The following ANK3 variants were observed in gnomAD, a reference collection of about 807,000 sequenced individuals.
The protein encoded by ANK3 is ankyrin-3.
In ANK3, 57 loss-of-function variants were observed where a neutral mutation model predicts 370.9. That is an observed-to-expected ratio of 0.15 (90% CI 0.12 to 0.19). The LOEUF (loss-of-function observed/expected upper bound fraction) is 0.19, where lower values mean the gene tolerates loss of function less well. ANK3 is among the 10% of genes least tolerant of loss of function. The probability of loss-of-function intolerance (pLI) is 1.00; values close to 1 mark genes in which losing one functional copy is unlikely to be tolerated. For synonymous variants in ANK3, 1,929 were observed against 1,946.3 expected (o/e 0.99, Z 0.23); for missense variants, 4,439 against 5,302.1 (o/e 0.84, Z 5.06).
chr10:60,059,953 G>A (rs1443850503), intron 40 of ANK3: 4 of 1,613,386 alleles, frequency 2.5e-6, no homozygotes, highest in Non-Finnish European at 3.4e-6. Context: ...GGGGTAGGTG[G>A]TGTGTAGTGC....
At chr10:60,410,789 C>T (rs188139982) in intron 2 of ANK3, among the ~76,000 whole-genome samples, 2 of 152,248 alleles carry the variant, frequency 1.3e-5, no homozygotes, top group East Asian at 3.9e-4. Flanking sequence ...TCTTAGCATC[C>T]TGAGTAGCTG....
chr10:60,496,756 C>A (rs1378493449), intron 2 of ANK3, among the ~76,000 whole-genome samples: 1 of 146,530 alleles, frequency 6.8e-6, no homozygotes, highest in Non-Finnish European at 1.5e-5. Context: ...AAAAAGATCA[C>A]CCTAATTTAC....
rs549060481 is a variant in ANK3 at position 60,312,575 on chromosome 10, C to T, written c.115-32936G>A. On this transcript the variant is annotated intron_variant, in intron 1 of 43. Transcript: ENST00000280772. ...CAACTATCAAACATTGAATCTTAGG[C>T]CTAGATGGGACCTCATAGTCAGTGG... Among the ~76,000 whole-genome samples the T allele has an allele frequency of 3.3e-5, 5 of 152,210 alleles. No homozygotes were observed. The East Asian group carries it at 9.7e-4, about 29-fold the overall frequency.
intron 1 of ANK3, among the ~76,000 whole-genome samples, chr10:60,364,287 C>G (rs144806130): frequency 2.1e-5 from 2 of 97,156 alleles, no homozygotes; most frequent in Non-Finnish European, 4.2e-5. Context: ...GAGCAAGACT[C>G]GGTCTCAAAA....
In ANK3 at chr10:60,651,179, T is replaced by C. The variant is rs2078784900; in HGVS notation, c.58-35955A>G. Among the ~76,000 whole-genome samples the C allele has an allele frequency of 2.0e-5, 3 of 152,330 alleles. No homozygotes were observed. In the South Asian group the frequency reaches 6.2e-4, roughly 32 times the overall value. ...CACACACGCACACAATGTACCTGTC[T>C]AAAATTAGCCCTGAAATAAAATTAG... On this transcript the variant is annotated intron_variant, in intron 1 of 43. Coordinates refer to the ANK3 transcript ENST00000373827.
intron 17 of ANK3, among the ~76,000 whole-genome samples, chr10:60,186,082 G>A (rs1010930490): frequency 3.9e-5 from 6 of 152,274 alleles, no homozygotes; most frequent in African/African-American, 1.4e-4. Context: ...TTGTAACCTA[G>A]AACTTAAAAA....
intron 2 of ANK3, among the ~76,000 whole-genome samples, chr10:60,464,607 G>A (rs897645418): frequency 4.6e-5 from 7 of 152,142 alleles, no homozygotes; most frequent in African/African-American, 1.4e-4. Context: ...AAGTGTTTCT[G>A]ATTCTTTTCT....
At chr10:60,527,964 T>G (rs551343884) in intron 2 of ANK3, among the ~76,000 whole-genome samples, 1 of 152,092 alleles carries the variant, frequency 6.6e-6, no homozygotes. Flanking sequence ...TGTAGCCTAG[T>G]AAACTGATGG....
At chr10:60,490,315 TG>T (rs919792417) in intron 2 of ANK3, among the ~76,000 whole-genome samples, 21 of 152,220 alleles carry the variant, frequency 1.4e-4, no homozygotes, top group African/African-American at 4.6e-4. Flanking sequence ...CCAGAAACTC[TG>T]GGATGAGGCC....
At chr10:60,300,693 T>C (rs1052799568) in intron 1 of ANK3, among the ~76,000 whole-genome samples, 5 of 152,096 alleles carry the variant, frequency 3.3e-5, no homozygotes, top group African/African-American at 1.2e-4. Context: ...TCTGGCTGCT[T>C]GGAATTACTC....
At chr10:60,417,516 T>C (rs1431038119) in intron 2 of ANK3, among the ~76,000 whole-genome samples, 1 of 152,186 alleles carries the variant, frequency 6.6e-6, no homozygotes, top group Non-Finnish European at 1.5e-5. Context: ...CAGAAACAGA[T>C]GTCTGAGCAG....
chr10:60,159,437 G>C (rs2095437439), intron 23 of ANK3, among the ~76,000 whole-genome samples: 1 of 152,032 alleles, frequency 6.6e-6, no homozygotes, highest in African/African-American at 2.4e-5. Context: ...AATTATTAGA[G>C]GTAAAGAGAG....
chr10:60,436,648 G>T (rs76240493), intron 2 of ANK3, among the ~76,000 whole-genome samples: 14,678 of 151,872 alleles, frequency 0.097, 823 homozygotes, highest in South Asian at 0.16. Flanking sequence ...TTTTCAATTT[G>T]GTTATTTATC....
At position 60,070,823 on chromosome 10, in the gene ANK3, T is replaced by G. The variant is rs928819495; in HGVS notation, c.10058A>C (p.Lys3353Thr). The stretch of plus-strand genomic sequence containing the variant: ...TTCCAGTTCTTTCTGGTTGGAAGCC[T>G]TTTCAGCAGAAGCTTTGGGTTTTTC... Reference protein sequence around the residue: ...QKEKPKASAEKASNQKELESN... With the variant: ...QKEKPKASAETASNQKELESN... The change falls in exon 37 of 44, where the codon AAG becomes ACG. Residue 3353 changes from lysine (K) to threonine (T), a missense_variant. Around this residue, in one of 13 missense-constraint regions of ANK3, gnomAD observed 1,601 missense variants for 1,731.7 expected, o/e 0.92. Coordinates refer to ENST00000280772, the MANE Select transcript of ANK3 (RefSeq NM_020987.5). This position sits in a 1 kb window ranked among gnomAD's most constrained non-coding sequence, Gnocchi z 5.7. The G allele has an allele frequency of 1.2e-6, 2 of 1,614,008 alleles. No individual in the cohort carries two copies. Among genetic ancestry groups the G allele is most frequent in the Admixed American group, 1.7e-5 (1 of 59,972 alleles).
intron 1 of ANK3, among the ~76,000 whole-genome samples, chr10:60,336,709 A>G (rs562634413): frequency 6.6e-6 from 1 of 152,362 alleles, no homozygotes; most frequent in African/African-American, 2.4e-5. Flanking sequence ...ATTTTACGTA[A>G]GACAACTGTA....
chr10:60,475,929 A>T lies in ANK3; in HGVS notation c.96+139257T>A, dbSNP rs1377061592. On this transcript the variant is annotated intron_variant, in intron 2 of 43. Transcript: ENST00000373827. ...CACCTAAAGCAGCGCTTTAAAAGTAAGGGTTTATAATCCCAAAAAGATCAT... is the reference window on the plus strand; with the variant it reads ...CACCTAAAGCAGCGCTTTAAAAGTATGGGTTTATAATCCCAAAAAGATCAT... Among the ~76,000 whole-genome samples, 3 of 152,242 alleles carry T rather than the reference A, an allele frequency of 2.0e-5. No homozygotes were observed. In the East Asian group the frequency reaches 5.8e-4, roughly 29 times the overall value.
At chr10:60,263,695 G>A in intron 6 of ANK3, 140 bp downstream of exon 6, 153 of 982,436 alleles carry the variant, frequency 1.6e-4, no homozygotes. Context: ...TCAGTGGCTA[G>A]CTCAGACACA....
intron 2 of ANK3, among the ~76,000 whole-genome samples, chr10:60,589,010 G>A (rs1157796519): frequency 2.0e-5 from 3 of 152,130 alleles, no homozygotes; most frequent in African/African-American, 7.2e-5. Flanking sequence ...ATCAACCAAA[G>A]GCAACATGTA....
At chr10:60,524,891 G>T (rs566105542) in intron 2 of ANK3, among the ~76,000 whole-genome samples, 5 of 152,140 alleles carry the variant, frequency 3.3e-5, no homozygotes, top group African/African-American at 1.2e-4. Context: ...TGATGAACTG[G>T]ACCCATGAAC....
Sources: allele counts gnomAD v4.1 joint callset (sites outside exome capture counted in the v4.1 genomes callset), GRCh38; gene constraint gnomAD v4.1.1; regional missense constraint gnomAD v4.1.1; non-coding constraint Gnocchi (gnomAD v3.1); transcripts MANE v1.5; gene names NCBI Gene and HGNC (gene_info 2026-07-23, HGNC 2026-07-21).